ATP2B2: variants seen among roughly 807,000 people sequenced by gnomAD.
The protein encoded by ATP2B2 is plasma membrane calcium-transporting ATPase 2.
ATP2B2 carries 15 observed loss-of-function variants against 120.0 expected under a neutral mutation model. The observed-to-expected ratio is 0.12, with a 90% CI of 0.08 to 0.19. The LOEUF (loss-of-function observed/expected upper bound fraction) is 0.19. ATP2B2 is among the 10% of genes least tolerant of loss of function. The pLI, the probability that ATP2B2 is intolerant of heterozygous loss-of-function variation, is 1.00. For missense variants in ATP2B2, 1,045 were observed against 1,719.8 expected, an observed-to-expected ratio of 0.61 and a Z score of 6.94; for synonymous variants, 694 against 700.3, an observed-to-expected ratio of 0.99 and a Z score of 0.14.
rs2062237986 is a variant in ATP2B2 at position 10,402,029 on chromosome 3, G to C, written c.655+62C>G. ...TGAGCCAATCTCTTTGCATCAGCCT[G>C]GCCTGTCCCACCTCTGCCGGAATCC... On this transcript the variant is annotated intron_variant, in intron 4 of 22. Coordinates refer to ENST00000360273, the MANE Select transcript of ATP2B2 (RefSeq NM_001001331.4). The surrounding 1 kb of genome is among the most constrained non-coding windows in gnomAD (Gnocchi z 4.9). 1.2e-6 allele frequency: 2 copies of C among 1,605,238 alleles called. No homozygotes were observed. The highest frequency in any genetic ancestry group is 1.7e-5 in the Admixed American group (1 of 60,022).
chr3:10,395,253 G>A lies in ATP2B2; in HGVS notation c.781+5700C>T, dbSNP rs547188325. Among the ~76,000 whole-genome samples, 6 of 152,292 alleles carry A rather than the reference G, an allele frequency of 3.9e-5. No individual in the cohort carries two copies. In the South Asian group the frequency reaches 1.2e-3, roughly 32 times the overall value. On this transcript the variant is annotated intron_variant, in intron 5 of 22. Coordinates refer to ENST00000360273, the MANE Select transcript of ATP2B2 (RefSeq NM_001001331.4). ...CATGAAGACAATGAAAAGATGAGGC[G>A]CTGCTCCATGCAGGAGACCAAAGAG...
At chr3:10,490,499 T>G (rs754729991) in intron 1 of ATP2B2, among the ~76,000 whole-genome samples, 1 of 151,734 alleles carries the variant, frequency 6.6e-6, no homozygotes, top group Non-Finnish European at 1.5e-5. Context: ...CTCCTGTGTT[T>G]AAGCAATTCC....
intron 1 of ATP2B2, among the ~76,000 whole-genome samples, chr3:10,661,978 T>G (rs1346137914): frequency 6.6e-6 from 1 of 152,022 alleles, no homozygotes; most frequent in African/African-American, 2.4e-5. Flanking sequence ...TTGACAAACC[T>G]GACAAAAACA....
In ATP2B2 at chr3:10,401,017, G is replaced by A; in HGVS notation, c.717C>T (p.Ser239=). Residue 239 remains serine, a synonymous_variant, in exon 5 of 23, where the codon AGC becomes AGT. Transcript: ENST00000360273. Reference sequence around the variant, plus strand: ...CCTGGTCAGACTCTCCAGTTAGGGAGCTTTCATCAATCTTGAGGTCATTGC... The same window carrying A: ...CCTGGTCAGACTCTCCAGTTAGGGAACTTTCATCAATCTTGAGGTCATTGC... The part of the protein sequence containing the change: ...IQGNDLKIDE[S]SLTGESDQVR... 1.2e-6 allele frequency: 2 copies of A among 1,614,206 alleles called. No individual in the cohort carries two copies. The highest frequency in any genetic ancestry group is 1.7e-6 in the Non-Finnish European group (2 of 1,180,042).
At chr3:10,493,763 C>T (rs2066027241) in intron 1 of ATP2B2, among the ~76,000 whole-genome samples, 1 of 152,124 alleles carries the variant, frequency 6.6e-6, no homozygotes, top group Non-Finnish European at 1.5e-5. Context: ...ACAAAACACA[C>T]TGGCTGGAGA....
intron 1 of ATP2B2, among the ~76,000 whole-genome samples, chr3:10,462,391 C>T (rs563413595): frequency 2.2e-4 from 33 of 152,226 alleles, no homozygotes; most frequent in Non-Finnish European, 4.1e-4. Flanking sequence ...TCTTCCTCCC[C>T]TCCCCAGGCT....
chr3:10,453,655 A>G (rs565249900), intron 1 of ATP2B2, among the ~76,000 whole-genome samples: 18 of 152,346 alleles, frequency 1.2e-4, no homozygotes, highest in South Asian at 4.1e-4. Flanking sequence ...GCTGTTTTCT[A>G]TCTGTGCCTG....
chr3:10,324,092 T>G lies in ATP2B2; in HGVS notation c.*4722A>C, dbSNP rs923103404. 1 of 152,110 alleles carries G rather than the reference T, an allele frequency of 6.6e-6. No homozygotes were observed. The highest frequency in any genetic ancestry group is 2.1e-4 in the South Asian group (1 of 4,814). The allele number at this position is 152,110 out of a possible 1,614,324, so 9.4% of individuals were successfully genotyped here. ...TGAAAAGGCAGACAAATCCCATTAATTACAAAGAGCACAAGCCAAAGATAC... is the reference window on the plus strand; with the variant it reads ...TGAAAAGGCAGACAAATCCCATTAAGTACAAAGAGCACAAGCCAAAGATAC... On this transcript the variant is annotated 3_prime_UTR_variant, in exon 23 of 23. Coordinates refer to ENST00000360273, the MANE Select transcript of ATP2B2 (RefSeq NM_001001331.4).
intron 1 of ATP2B2, among the ~76,000 whole-genome samples, chr3:10,701,923 G>A (rs1048793747): frequency 2.6e-5 from 4 of 151,968 alleles, no homozygotes; most frequent in East Asian, 1.9e-4. Context: ...CACCTTCTGC[G>A]AAACATAGTG....
chr3:10,509,081 G>C (rs1291447075), upstream of ATP2B2, among the ~76,000 whole-genome samples: 1 of 152,214 alleles, frequency 6.6e-6, no homozygotes, highest in African/African-American at 2.4e-5. Flanking sequence ...AGTCTGTCTA[G>C]GAATGGGGAC....
intron 2 of ATP2B2, among the ~76,000 whole-genome samples, chr3:10,613,259 G>A (rs928126467): frequency 6.6e-6 from 1 of 152,166 alleles, no homozygotes; most frequent in Non-Finnish European, 1.5e-5. Context: ...ACCTCACCCT[G>A]TGTGTGGCTG....
intron 2 of ATP2B2, among the ~76,000 whole-genome samples, chr3:10,567,715 A>G (rs2068038975): frequency 6.6e-6 from 1 of 152,216 alleles, no homozygotes. Flanking sequence ...TTGATAATTA[A>G]TCATGGAACA....
intron 1 of ATP2B2, among the ~76,000 whole-genome samples, chr3:10,658,207 C>T (rs561500933): frequency 4.6e-4 from 69 of 151,382 alleles, no homozygotes; most frequent in African/African-American, 1.5e-3. Context: ...TCCAAAGGAA[C>T]GCAGCTCCGC....
chr3:10,676,407 G>T (rs2071244687), intron 1 of ATP2B2, among the ~76,000 whole-genome samples: 1 of 152,094 alleles, frequency 6.6e-6, no homozygotes, highest in South Asian at 2.1e-4. Flanking sequence ...TGGCAGCTGG[G>T]TGATGCAAGG....
chr3:10,555,023 C>T (rs2125519640), intron 2 of ATP2B2, among the ~76,000 whole-genome samples: 1 of 152,332 alleles, frequency 6.6e-6, no homozygotes, highest in South Asian at 2.1e-4. Flanking sequence ...TGGGCACAGG[C>T]AGGTCAGAGG....
At chr3:10,546,464 C>A (rs780246609) in intron 2 of ATP2B2, among the ~76,000 whole-genome samples, 2 of 152,214 alleles carry the variant, frequency 1.3e-5, no homozygotes, top group Non-Finnish European at 2.9e-5. Context: ...AAGAAAGGGG[C>A]CTGTTCCCAG....
chr3:10,441,267 T>A (rs1415639254), intron 2 of ATP2B2, among the ~76,000 whole-genome samples: 2 of 152,158 alleles, frequency 1.3e-5, no homozygotes, highest in East Asian at 1.9e-4. Flanking sequence ...TCTTTTTGTT[T>A]TTTTTGAGAC....
chr3:10,603,237 C>A (rs1027902132), intron 2 of ATP2B2, among the ~76,000 whole-genome samples: 1 of 152,190 alleles, frequency 6.6e-6, no homozygotes, highest in Non-Finnish European at 1.5e-5. Flanking sequence ...GGGGTAGAGG[C>A]CTAAATGAGC....
At chr3:10,551,859 C>T (rs749491799) in intron 2 of ATP2B2, among the ~76,000 whole-genome samples, 44 of 152,224 alleles carry the variant, frequency 2.9e-4, no homozygotes, top group Non-Finnish European at 5.9e-4. Context: ...TAGCTTCTTC[C>T]TGGGCTGTGG....
Sources: gnomAD v4.1 joint callset for allele counts (sites outside exome capture counted in the v4.1 genomes callset) on GRCh38, gnomAD v4.1.1 for gene constraint, Gnocchi (gnomAD v3.1) non-coding constraint, MANE v1.5 for transcripts, NCBI Gene and HGNC (gene_info 2026-07-23, HGNC 2026-07-21) for gene names.